The following FLRT1 variants were observed in gnomAD, a reference collection of about 807,000 sequenced individuals.
FLRT1 encodes fibronectin leucine rich transmembrane protein 1.
A neutral mutation model predicts 30.9 loss-of-function variants in FLRT1; 14 were observed. That is an observed-to-expected ratio of 0.45 (90% CI 0.30 to 0.71). FLRT1 has a LOEUF of 0.71. FLRT1 is among the 30% of genes least tolerant of loss of function. FLRT1 has a pLI of 0.08. For missense variants in FLRT1, 737 were observed against 949.2 expected (o/e 0.78, Z 2.94); for synonymous variants, 368 against 430.4 (o/e 0.85, Z 1.80).
intron 1 of FLRT1, among the ~76,000 whole-genome samples, chr11:64,040,045 T>C (rs757051797): frequency 3.3e-5 from 5 of 152,236 alleles, no homozygotes; most frequent in Non-Finnish European, 5.9e-5. Context: ...CATTCATTCA[T>C]TCATTCTTGA....
intron 1 of FLRT1, among the ~76,000 whole-genome samples, chr11:64,038,705 G>T (rs1162835868): frequency 6.6e-6 from 1 of 152,208 alleles, no homozygotes; most frequent in Non-Finnish European, 1.5e-5. Flanking sequence ...ATGGGACTGT[G>T]TGGGTCTGGC....
At chr11:64,068,172 C>T (rs1051950261) in intron 1 of FLRT1, among the ~76,000 whole-genome samples, 4 of 152,226 alleles carry the variant, frequency 2.6e-5, no homozygotes, top group East Asian at 1.9e-4. Flanking sequence ...GCAGGACTCA[C>T]GCTTCGGGAG....
rs756004459 is a variant in FLRT1 at position 64,116,448 on chromosome 11, G to A, written c.181G>A (p.Asp61Asn). Residue 61 changes from aspartate to asparagine, a missense_variant, in exon 3 of 3, where the codon GAC becomes AAC. Coordinates refer to ENST00000682287, the MANE Select transcript of FLRT1 (RefSeq NM_013280.5). ...CACCTGCCCCTCGGTGTGCCGCTGC[G>A]ACAACGGCTTCATCTACTGCAACGA... ...STTCPSVCRC[D>N]NGFIYCNDRG... The A allele has an allele frequency of 2.5e-5, 41 of 1,613,868 alleles. No homozygotes were observed. Among genetic ancestry groups the A allele is most frequent in the South Asian group, 8.8e-5 (8 of 91,068 alleles).
intron 1 of FLRT1, among the ~76,000 whole-genome samples, chr11:64,070,330 G>C (rs970317806): frequency 1.3e-5 from 2 of 152,096 alleles, no homozygotes; most frequent in East Asian, 1.9e-4. Flanking sequence ...GGGGGCCTCG[G>C]AGCTGTGACT....
chr11:64,084,618 G>A (rs1490852954), intron 1 of FLRT1, among the ~76,000 whole-genome samples: 3 of 152,204 alleles, frequency 2.0e-5, no homozygotes, highest in South Asian at 2.1e-4. Flanking sequence ...TTAGGACAGC[G>A]CCTAGAAGGG....
intron 1 of FLRT1, among the ~76,000 whole-genome samples, chr11:64,049,749 C>T (rs1288717343): frequency 1.3e-5 from 2 of 152,338 alleles, no homozygotes; most frequent in East Asian, 1.9e-4. Flanking sequence ...TGAGGGGGAT[C>T]GGTTTCTCCA....
chr11:64,051,599 C>T (rs1004818036), intron 1 of FLRT1, among the ~76,000 whole-genome samples: 2 of 152,200 alleles, frequency 1.3e-5, no homozygotes, highest in Non-Finnish European at 2.9e-5. Flanking sequence ...GGCCTTGTGC[C>T]ACCACCGCCA....
At chr11:64,077,550 AG>A (rs942526505) in intron 1 of FLRT1, among the ~76,000 whole-genome samples, 10 of 149,006 alleles carry the variant, frequency 6.7e-5, no homozygotes, top group Non-Finnish European at 1.0e-4. Flanking sequence ...GGGGCGGGGC[AG>A]GGGGGGTCCC....
chr11:64,038,605 C>T (rs1026201793), intron 1 of FLRT1, among the ~76,000 whole-genome samples: 1 of 152,166 alleles, frequency 6.6e-6, no homozygotes, highest in African/African-American at 2.4e-5. Flanking sequence ...CACCTCTGCC[C>T]AGTCATGGGG....
intron 1 of FLRT1, among the ~76,000 whole-genome samples, chr11:64,077,721 G>C (rs1167588428): frequency 1.3e-5 from 2 of 152,212 alleles, no homozygotes; most frequent in African/African-American, 4.8e-5. Context: ...ACAGGTCTCA[G>C]GGGGTCACTA....
intron 1 of FLRT1, among the ~76,000 whole-genome samples, chr11:64,077,241 C>T (rs1451031783): frequency 6.6e-6 from 1 of 152,198 alleles, no homozygotes; most frequent in African/African-American, 2.4e-5. Context: ...CACAGGGACC[C>T]AGTGATTCAT....
chr11:64,040,298 T>C (rs957019286), intron 1 of FLRT1, among the ~76,000 whole-genome samples: 14 of 152,006 alleles, frequency 9.2e-5, no homozygotes, highest in Admixed American at 9.2e-4. Context: ...AAGGGGGTGC[T>C]TAAGACATGA....
At chr11:64,108,313 CAAAAA>C (rs59331409) in intron 2 of FLRT1, among the ~76,000 whole-genome samples, 1 of 100,848 alleles carries the variant, frequency 9.9e-6, no homozygotes, top group Non-Finnish European at 2.1e-5. Flanking sequence ...AACTCTGTCT[CAAAAA>C]AAAAAAAAAA....
Position 64,050,020 on chromosome 11 carries a change from TA to T in FLRT1, c.-1038+13863del, listed in dbSNP as rs571430736. 9.1e-4 allele frequency among the ~76,000 whole-genome samples: 138 copies of T among 152,280 alleles called. 4 individuals are homozygous for T. The South Asian group carries it at 0.028, about 31-fold the overall frequency. Reference sequence around the variant, plus strand: ...ATATTATAAATAATGCTATTAATATTAATAAGAAATGGCCTGGTAAAGTGAT... The same window carrying T: ...ATATTATAAATAATGCTATTAATATTATAAGAAATGGCCTGGTAAAGTGAT... On this transcript the variant is annotated intron_variant, in intron 1 of 2. Transcript: ENST00000682287.
intron 1 of FLRT1, among the ~76,000 whole-genome samples, chr11:64,051,821 A>G (rs1255664416): frequency 6.6e-6 from 1 of 150,594 alleles, no homozygotes; most frequent in Non-Finnish European, 1.5e-5. Context: ...ACCCCCAGGG[A>G]CCTCAAGGCC....
chr11:64,046,458 C>T (rs1407215442), intron 1 of FLRT1, among the ~76,000 whole-genome samples: 1 of 152,182 alleles, frequency 6.6e-6, no homozygotes, highest in African/African-American at 2.4e-5. Flanking sequence ...TGGGTCCTAC[C>T]CTTGCCCTGG....
At chr11:64,074,664 G>A (rs1353231562) in intron 1 of FLRT1, among the ~76,000 whole-genome samples, 1 of 152,224 alleles carries the variant, frequency 6.6e-6, no homozygotes, top group Non-Finnish European at 1.5e-5. Context: ...TGTCCAAGTA[G>A]TGGGACCCCC....
At chr11:64,100,512 G>A (rs1388393591) in intron 1 of FLRT1, among the ~76,000 whole-genome samples, 3 of 152,212 alleles carry the variant, frequency 2.0e-5, no homozygotes, top group East Asian at 1.9e-4. Context: ...AACTTCACAC[G>A]GCATGGTCTC....
At chr11:64,039,150 G>C (rs1390523600) in intron 1 of FLRT1, among the ~76,000 whole-genome samples, 1 of 152,200 alleles carries the variant, frequency 6.6e-6, no homozygotes, top group Non-Finnish European at 1.5e-5. Flanking sequence ...ATGCCCCAGA[G>C]CAAGGGGGAG....
Sources: gnomAD v4.1 joint callset for allele counts (sites outside exome capture counted in the v4.1 genomes callset) on GRCh38, gnomAD v4.1.1 for gene constraint, MANE v1.5 for transcripts, NCBI Gene and HGNC (gene_info 2026-07-23, HGNC 2026-07-21) for gene names.